The following SENP7 variants were observed in gnomAD, a reference collection of about 807,000 sequenced individuals.
SENP7 encodes the protein sentrin-specific protease 7.
A neutral mutation model predicts 141.2 loss-of-function variants in SENP7; 64 were observed. The observed-to-expected ratio is 0.45, with a 90% CI of 0.37 to 0.56. SENP7 has a LOEUF of 0.56. Ranked by LOEUF, SENP7 falls within the 20% of genes least tolerant of loss-of-function variation. The pLI, the probability that SENP7 is intolerant of heterozygous loss-of-function variation, is 0.00. For missense variants in SENP7, 1,025 were observed against 1,212.2 expected (o/e 0.85, Z 2.29); for synonymous variants, 382 against 426.4 (o/e 0.90, Z 1.28).
intron 5 of SENP7, among the ~76,000 whole-genome samples, chr3:101,406,542 C>T (rs1321143546): frequency 1.3e-5 from 2 of 151,652 alleles, no homozygotes; most frequent in East Asian, 3.9e-4. Context: ...TGTAACAAAC[C>T]TGCACGTGTG....
At chr3:101,378,636 T>C (rs1391281745) in intron 6 of SENP7, among the ~76,000 whole-genome samples, 1 of 151,764 alleles carries the variant, frequency 6.6e-6, no homozygotes, top group African/African-American at 2.4e-5. Context: ...AGAGGAAAAA[T>C]GCAAAGCAAT....
At chr3:101,486,554 G>T (rs920880634) in intron 3 of SENP7, among the ~76,000 whole-genome samples, 3 of 152,126 alleles carry the variant, frequency 2.0e-5, no homozygotes, top group African/African-American at 7.2e-5. Context: ...ACAAGCAAAC[G>T]CTGAGAAAAT....
chr3:101,486,341 C>T (rs573196204), intron 3 of SENP7, among the ~76,000 whole-genome samples: 1 of 152,256 alleles, frequency 6.6e-6, no homozygotes, highest in Admixed American at 6.5e-5. Context: ...AGGAAAGAAT[C>T]TTAAGAGCTG....
intron 22 of SENP7, 21 bp downstream of exon 22, chr3:101,328,457 G>A (rs751484847): frequency 5.5e-5 from 87 of 1,588,238 alleles, no homozygotes; most frequent in Non-Finnish European, 7.3e-5. Flanking sequence ...AGACTGGAAT[G>A]GTAAAATTGT....
intron 4 of SENP7, among the ~76,000 whole-genome samples, chr3:101,447,655 T>C (rs2062946107): frequency 6.6e-6 from 1 of 152,170 alleles, no homozygotes; most frequent in African/African-American, 2.4e-5. Flanking sequence ...AATGGCAATA[T>C]TCCCCAATTT....
At chr3:101,358,342 CAG>C (rs1225409200) in intron 11 of SENP7, 9 of 691,010 alleles carry the variant, frequency 1.3e-5, no homozygotes, top group Non-Finnish European at 1.7e-5. Flanking sequence ...AGGAAACCTA[CAG>C]AGTCAATAAT....
chr3:101,452,058 T>C (rs1352572615), intron 4 of SENP7, among the ~76,000 whole-genome samples: 1 of 152,172 alleles, frequency 6.6e-6, no homozygotes, highest in African/African-American at 2.4e-5. Context: ...CAAGCATTCT[T>C]ATACACCAAT....
chr3:101,366,362 G>A, intron 9 of SENP7, 68 bp downstream of exon 9: 1 of 1,224,564 alleles, frequency 8.2e-7, no homozygotes, highest in South Asian at 1.6e-5. Flanking sequence ...ATTTGTTCAA[G>A]AAGAATAAAA....
At chr3:101,333,928 G>A (rs2059119512) in intron 17 of SENP7, among the ~76,000 whole-genome samples, 1 of 152,186 alleles carries the variant, frequency 6.6e-6, no homozygotes, top group African/African-American at 2.4e-5. Context: ...AGGGGGGATG[G>A]TTTCAAGATG....
intron 20 of SENP7, among the ~76,000 whole-genome samples, chr3:101,329,313 T>C (rs1190337759): frequency 1.3e-5 from 2 of 152,120 alleles, no homozygotes. Context: ...TTAGAATGAA[T>C]ATTCTAAGAA....
At chr3:101,503,103 GA>G (rs2065457649) in intron 1 of SENP7, among the ~76,000 whole-genome samples, 1 of 152,060 alleles carries the variant, frequency 6.6e-6, no homozygotes, top group Non-Finnish European at 1.5e-5. Context: ...ACAAAAGTCT[GA>G]ATAGGCACTT....
intron 10 of SENP7, 39 bp from the exon 11 acceptor site, chr3:101,361,900 A>G: frequency 6.5e-7 from 1 of 1,544,890 alleles, no homozygotes; most frequent in Non-Finnish European, 8.7e-7. Context: ...ATAATTCTTA[A>G]GTACTATATA....
rs180707375 is a variant in SENP7, at chr3:101,444,304, C to A, written c.284+14651G>T. 1.2e-3 allele frequency among the ~76,000 whole-genome samples: 179 copies of A among 151,216 alleles called. 1 individual carries two copies. Among genetic ancestry groups the A allele is most frequent in the African/African-American group, 4.1e-3 (171 of 41,248 alleles). On this transcript the variant is annotated intron_variant, in intron 4 of 23. Transcript: ENST00000394095. ...TTGACACTGCTGGTGGGATTGTAAA[C>A]TAGTTCAACCACTGTGGAAGTCAGT...
intron 6 of SENP7, 32 bp downstream of exon 6, chr3:101,398,829 A>C: frequency 7.2e-7 from 1 of 1,388,848 alleles, no homozygotes; most frequent in Non-Finnish European, 9.9e-7. Context: ...AATAAATATA[A>C]TTATTTTGAG....
intron 6 of SENP7, among the ~76,000 whole-genome samples, chr3:101,384,329 A>G (rs1190906938): frequency 6.6e-6 from 1 of 152,158 alleles, no homozygotes; most frequent in African/African-American, 2.4e-5. Context: ...GGTGCTACAC[A>G]CTCTTGCCAC....
chr3:101,373,057 A>G (rs535291505), intron 6 of SENP7, among the ~76,000 whole-genome samples: 1 of 152,090 alleles, frequency 6.6e-6, no homozygotes, highest in Non-Finnish European at 1.5e-5. Flanking sequence ...TGAGAGAATT[A>G]TTTGGAAGGC....
chr3:101,429,376 T>C (rs2062076990), intron 4 of SENP7, among the ~76,000 whole-genome samples: 1 of 152,144 alleles, frequency 6.6e-6, no homozygotes, highest in South Asian at 2.1e-4. Flanking sequence ...CCTGGAGTAG[T>C]GGTTTGTAGT....
intron 1 of SENP7, 63 bp from the exon 2 acceptor site, chr3:101,501,182 A>G: frequency 9.2e-7 from 1 of 1,084,174 alleles, no homozygotes; most frequent in Admixed American, 2.1e-5. Flanking sequence ...AAACAGTTTG[A>G]CAAAGGAGAT....
In SENP7 at chr3:101,332,816, T is replaced by C. The variant is rs2059090697; in HGVS notation, c.2527A>G (p.Ile843Val). Residue 843 changes from isoleucine to valine, a missense_variant, in exon 18 of 24, where the codon ATA becomes GTA. Transcript: ENST00000394095. The part of the protein sequence containing the change: ...HKRVRTWTRH[I>V]NIFNKDYIFV... Reference sequence around the variant, plus strand: ...ATGTAATCTTTATTAAAAATGTTTATGTGACGAGTCCATGTTCTTACTCTT... The same window carrying C: ...ATGTAATCTTTATTAAAAATGTTTACGTGACGAGTCCATGTTCTTACTCTT... The C allele has an allele frequency of 2.5e-6, 4 of 1,569,052 alleles. No homozygotes were observed. Among genetic ancestry groups the C allele is most frequent in the African/African-American group, 2.8e-5 (2 of 72,532 alleles).
Sources: allele counts gnomAD v4.1 joint callset (sites outside exome capture counted in the v4.1 genomes callset), GRCh38; gene constraint gnomAD v4.1.1; transcripts MANE v1.5; gene names NCBI Gene and HGNC (gene_info 2026-07-23, HGNC 2026-07-21).